The following METTL6 variants were observed in gnomAD, a reference collection of about 807,000 sequenced individuals.
METTL6 encodes tRNA N(3)-cytidine methyltransferase METTL6.
Under a neutral mutation model 26.4 loss-of-function variants are expected in METTL6, and 22 were observed. The ratio of observed to expected loss-of-function variants is 0.83; its 90% CI spans 0.59 to 1.19. The LOEUF is 1.19. METTL6 is among the 50% of genes most tolerant of loss of function. The pLI, the probability that METTL6 is intolerant of heterozygous loss-of-function variation, is 0.00. For missense variants in METTL6, 304 were observed against 324.8 expected (o/e 0.94, Z 0.49); for synonymous variants, 109 against 116.2 (o/e 0.94, Z 0.40).
At chr3:15,413,567 G>T in intron 5 of METTL6, 1 of 1,034,872 alleles carries the variant, frequency 9.7e-7, no homozygotes. Context: ...ATTAGACTCT[G>T]TCTCAAAAAC....
intron 6 of METTL6, among the ~76,000 whole-genome samples, chr3:15,401,106 C>G (rs1699627879): frequency 6.6e-6 from 1 of 151,842 alleles, no homozygotes; most frequent in Non-Finnish European, 1.5e-5. Flanking sequence ...GTGGCGCAAT[C>G]TTGGCTCACT....
At chr3:15,386,630 T>G (rs562806548) in intron 6 of METTL6, among the ~76,000 whole-genome samples, 1 of 152,112 alleles carries the variant, frequency 6.6e-6, no homozygotes, top group African/African-American at 2.4e-5. Flanking sequence ...GTTGTACACA[T>G]GCTAAGTTGA....
chr3:15,402,196 A>G (rs1322990832), intron 6 of METTL6, among the ~76,000 whole-genome samples: 1 of 152,198 alleles, frequency 6.6e-6, no homozygotes, highest in Non-Finnish European at 1.5e-5. Flanking sequence ...TGCACTGGGG[A>G]GAGACTTTCA....
chr3:15,414,000 A>C, intron 5 of METTL6, 21 bp downstream of exon 5: 1 of 1,613,738 alleles, frequency 6.2e-7, no homozygotes, highest in Non-Finnish European at 8.5e-7. Flanking sequence ...ACATTTAAAG[A>C]CTGGATTCCA....
At chr3:15,400,019 C>T (rs1699596991) in intron 6 of METTL6, among the ~76,000 whole-genome samples, 1 of 152,052 alleles carries the variant, frequency 6.6e-6, no homozygotes, top group Admixed American at 6.6e-5. Context: ...TCTCTGAGCC[C>T]CCCTTATCTG....
intron 1 of METTL6, among the ~76,000 whole-genome samples, chr3:15,427,090 G>A (rs1000121476): frequency 3.3e-5 from 5 of 152,206 alleles, no homozygotes; most frequent in Admixed American, 1.3e-4. Context: ...GCTAAGCCTG[G>A]GTGGGCTCAT....
intron 6 of METTL6, among the ~76,000 whole-genome samples, chr3:15,398,518 G>C (rs116287694): frequency 6.6e-6 from 1 of 152,132 alleles, no homozygotes; most frequent in Admixed American, 6.5e-5. Flanking sequence ...GATTTTCTTC[G>C]TTCAGTGGGC....
chr3:15,426,615 C>A lies in METTL6; in HGVS notation c.-104G>T. ...GATACATTTCCTGAGGTGAGTTTCA[C>A]GCCTCAAACAGCACAGGGGGCTTCG... On this transcript the variant is annotated 5_prime_UTR_variant, in exon 2 of 6. Transcript: ENST00000383790. 1 of 1,066,310 alleles carries A rather than the reference C, an allele frequency of 9.4e-7. No homozygotes were observed. Among genetic ancestry groups the A allele is most frequent in the Non-Finnish European group, 1.4e-6 (1 of 724,364 alleles). The allele number at this position is 1,066,310 out of a possible 1,614,324, so 66.1% of individuals were successfully genotyped here. A position where few individuals can be genotyped will look rare whatever the true frequency, so the allele number is the denominator to read the frequency against.
rs190773748 is a variant in METTL6 at position 15,385,682 on chromosome 3, A to G, written c.*12-1495T>C. The stretch of plus-strand genomic sequence containing the variant: ...CAAGACCAGCCTGGTCAACATAACA[A>G]GACCCTGTCTCCAAAAAAACAAAAA... On this transcript the variant is annotated intron_variant, in intron 6 of 6. Transcript: ENST00000443029. Among the ~76,000 whole-genome samples the G allele has an allele frequency of 7.1e-4, 108 of 152,344 alleles. 1 individual carries two copies. The highest frequency in any genetic ancestry group is 1.5e-3 in the Non-Finnish European group (99 of 68,028).
chr3:15,421,056 CAGAACAGGATAAAGA>C (rs1487725539), intron 3 of METTL6, among the ~76,000 whole-genome samples: 1 of 152,076 alleles, frequency 6.6e-6, no homozygotes, highest in African/African-American at 2.4e-5. Flanking sequence ...ACTGGAATGA[CAGAACAGGATAAAGA>C]AGAACGGGTG....
chr3:15,426,525 G>A lies in METTL6; in HGVS notation c.-14C>T, dbSNP rs773991175. ...CAAAGAAGCCATCTCTGAAACTGAC[G>A]GTAACACTTAACACAGCTGAAGATT... On this transcript the variant is annotated 5_prime_UTR_variant, in exon 2 of 6. Transcript: ENST00000383790. The A allele has an allele frequency of 7.5e-6, 12 of 1,606,398 alleles. No individual in the cohort carries two copies. The highest frequency in any genetic ancestry group is 1.6e-4 in the Middle Eastern group (1 of 6,066).
At chr3:15,413,405 A>C (rs111500621) in intron 5 of METTL6, among the ~76,000 whole-genome samples, 77 of 152,208 alleles carry the variant, frequency 5.1e-4, no homozygotes, top group African/African-American at 1.4e-3. Context: ...TGAAACCCCC[A>C]TTCTACCAAA....
intron 6 of METTL6, among the ~76,000 whole-genome samples, chr3:15,395,284 G>T (rs112919565): frequency 5.1e-4 from 77 of 152,182 alleles, no homozygotes; most frequent in African/African-American, 1.4e-3. Context: ...GATCTTTGTT[G>T]GTTTAAAGTT....
downstream of METTL6, among the ~76,000 whole-genome samples, chr3:15,406,140 T>TG (rs1699777597): frequency 6.6e-6 from 1 of 152,058 alleles, no homozygotes. Flanking sequence ...CTATTTTTTA[T>TG]AGTACTGTTA....
chr3:15,403,982 G>A (rs758038705), intron 6 of METTL6, among the ~76,000 whole-genome samples: 1 of 152,158 alleles, frequency 6.6e-6, no homozygotes. Context: ...GGTCACTCTC[G>A]TCGCCATCTT....
chr3:15,427,131 A>G (rs2061743798), intron 1 of METTL6, among the ~76,000 whole-genome samples: 1 of 152,216 alleles, frequency 6.6e-6, no homozygotes, highest in African/African-American at 2.4e-5. Context: ...AGGCTGTCAT[A>G]GGAACCAGAG....
chr3:15,408,302 A>G (rs1396064657), downstream of METTL6, among the ~76,000 whole-genome samples: 1 of 152,128 alleles, frequency 6.6e-6, no homozygotes, highest in African/African-American at 2.4e-5. Flanking sequence ...TCAGTGAGCT[A>G]AATACTTATG....
At chr3:15,384,728 C>T (rs1699148755) in intron 6 of METTL6, among the ~76,000 whole-genome samples, 1 of 152,114 alleles carries the variant, frequency 6.6e-6, no homozygotes, top group Non-Finnish European at 1.5e-5. Context: ...AAAGACACTT[C>T]AACTCTAGAA....
chr3:15,423,436 G>A (rs2061649715), intron 3 of METTL6, among the ~76,000 whole-genome samples: 1 of 152,136 alleles, frequency 6.6e-6, no homozygotes, highest in Non-Finnish European at 1.5e-5. Context: ...AAGTGTAAGA[G>A]GTAGTGCTTG....
Sources: allele counts gnomAD v4.1 joint callset (sites outside exome capture counted in the v4.1 genomes callset), GRCh38; gene constraint gnomAD v4.1.1; transcripts MANE v1.5; gene names NCBI Gene and HGNC (gene_info 2026-07-23, HGNC 2026-07-21).